ATXN10: variants seen among roughly 807,000 people sequenced by gnomAD.
The protein encoded by ATXN10 is ataxin 10, also known as ataxin-10.
In ATXN10, 28 loss-of-function variants were observed where a neutral mutation model predicts 52.9. The observed-to-expected ratio is 0.53, with a 90% CI of 0.39 to 0.73. The LOEUF (loss-of-function observed/expected upper bound fraction) is 0.73. Among genes scored for constraint, ATXN10 ranks in the 30% least tolerant of loss-of-function variants. The pLI, the probability that ATXN10 is intolerant of heterozygous loss-of-function variation, is 0.00. For missense variants in ATXN10, 565 were observed against 577.0 expected (o/e 0.98, Z 0.21); for synonymous variants, 226 against 221.5 (o/e 1.02, Z -0.18).
chr22:45,824,245 G>A lies in ATXN10; in HGVS notation c.1237+17223G>A, dbSNP rs1380068103. On this transcript the variant is annotated intron_variant, in intron 10 of 11. Transcript: ENST00000252934. This position sits in a 1 kb window ranked among gnomAD's most constrained non-coding sequence, Gnocchi z 5.2. ...TGCACATACTGTTCCTCTCACTGGA[G>A]TTCTCCCCTTTCTACATTTGGCCAA... Among the ~76,000 whole-genome samples the A allele has an allele frequency of 1.3e-5, 2 of 152,022 alleles. No individual in the cohort carries two copies. Among genetic ancestry groups the A allele is most frequent in the East Asian group, 3.9e-4 (2 of 5,182 alleles).
chr22:45,798,877 A>G (rs754914527), intron 9 of ATXN10, among the ~76,000 whole-genome samples: 34 of 152,362 alleles, frequency 2.2e-4, no homozygotes, highest in Non-Finnish European at 4.4e-4. Context: ...GCCACATACA[A>G]TAGCATCATA....
chr22:45,732,303 CAA>C lies in ATXN10; in HGVS notation c.894+2715_894+2716del, dbSNP rs1263543447. ...ACTCCATCTGTACAAAAAAAAAACA[CAA>C]AGAATTAGCTGGGTGTGGTGGTGTG... is the stretch of plus-strand genomic sequence containing the variant. On this transcript the variant is annotated intron_variant, in intron 7 of 11. Coordinates refer to ENST00000252934, the MANE Select transcript of ATXN10 (RefSeq NM_013236.4). The surrounding 1 kb of genome is among the most constrained non-coding windows in gnomAD (Gnocchi z 4.5). Among the ~76,000 whole-genome samples the C allele has an allele frequency of 6.6e-6, 1 of 151,484 alleles. No individual in the cohort carries two copies. Among genetic ancestry groups the C allele is most frequent in the African/African-American group, 2.4e-5 (1 of 41,224 alleles).
chr22:45,711,768 T>A (rs1373245756), intron 5 of ATXN10, among the ~76,000 whole-genome samples: 1 of 152,240 alleles, frequency 6.6e-6, no homozygotes, highest in Non-Finnish European at 1.5e-5. Flanking sequence ...GGATGTGCAC[T>A]GCTTAAAACA....
intron 9 of ATXN10, among the ~76,000 whole-genome samples, chr22:45,776,095 C>T (rs755277229): frequency 3.3e-5 from 5 of 152,096 alleles, no homozygotes; most frequent in Non-Finnish European, 7.4e-5. Context: ...TTCATGTCCT[C>T]GAAATCAAGA....
Position 45,705,839 on chromosome 22 carries a change from G to T in ATXN10, c.647+2992G>T, listed in dbSNP as rs951880699. On this transcript the variant is annotated intron_variant, in intron 5 of 11. Coordinates refer to ENST00000252934, the MANE Select transcript of ATXN10 (RefSeq NM_013236.4). This position sits in a 1 kb window ranked among gnomAD's most constrained non-coding sequence, Gnocchi z 5.2. ...TTTGGTCTAGGCCGGGGGTCCTCCA[G>T]CCCCCGACCTGTGGACTGGTACCTG... 6.6e-6 allele frequency among the ~76,000 whole-genome samples: 1 copy of T among 152,130 alleles called. No homozygotes were observed. The highest frequency in any genetic ancestry group is 2.4e-5 in the African/African-American group (1 of 41,440).
At position 45,833,526 on chromosome 22, in the gene ATXN10, C is replaced by T. The variant is rs889421701; in HGVS notation, c.1238-9465C>T. ...CTGTACTTCATTAATTTTGAAATAT[C>T]AACAGTGCTAGACGAACACTAATGT... On this transcript the variant is annotated intron_variant, in intron 10 of 11. Transcript: ENST00000252934. This position sits in a 1 kb window ranked among gnomAD's most constrained non-coding sequence, Gnocchi z 4.3. Among the ~76,000 whole-genome samples the T allele has an allele frequency of 4.6e-5, 7 of 152,182 alleles. No individual in the cohort carries two copies. Among genetic ancestry groups the T allele is most frequent in the African/African-American group, 7.2e-5 (3 of 41,428 alleles).
In ATXN10 at chr22:45,672,180, G is replaced by A; in HGVS notation, c.116+1G>A. On this transcript the variant is annotated splice_donor_variant, in intron 1 of 11. Coordinates refer to ENST00000252934, the MANE Select transcript of ATXN10 (RefSeq NM_013236.4). LOFTEE classifies it high-confidence loss of function. ...CGCTCTTCAAAGAGCAGCGGAACCGGTAACGGGTCCGGCCGGGGGGCTGCC... is the reference window on the plus strand; with the variant it reads ...CGCTCTTCAAAGAGCAGCGGAACCGATAACGGGTCCGGCCGGGGGGCTGCC... The A allele has an allele frequency of 6.5e-7, 1 of 1,532,320 alleles. No individual in the cohort carries two copies. The highest frequency in any genetic ancestry group is 1.2e-5 in the South Asian group (1 of 83,244). 94.9% of individuals were successfully genotyped at this position (1,532,320 alleles called of 1,614,324 possible). A position where few individuals can be genotyped will look rare whatever the true frequency, so the allele number is the denominator to read the frequency against.
At chr22:45,752,591 G>GGGGCTA (rs1926021649) in intron 9 of ATXN10, among the ~76,000 whole-genome samples, 1 of 151,940 alleles carries the variant, frequency 6.6e-6, no homozygotes. Flanking sequence ...GGCTGGGGCT[G>GGGGCTA]GGGCTGTGCC....
Position 45,688,053 on chromosome 22 carries a change from G to A in ATXN10, c.117-1659G>A, listed in dbSNP as rs118115685. On this transcript the variant is annotated intron_variant, in intron 1 of 11. Coordinates refer to ENST00000252934, the MANE Select transcript of ATXN10 (RefSeq NM_013236.4). This position sits in a 1 kb window ranked among gnomAD's most constrained non-coding sequence, Gnocchi z 4.0. ...AGCCTGGGCGACAGAGCAAAACTCCGTCTCAAAAAAAAGAGTGTTAGTGAG... is the reference window on the plus strand; with the variant it reads ...AGCCTGGGCGACAGAGCAAAACTCCATCTCAAAAAAAAGAGTGTTAGTGAG... 1.0e-3 allele frequency among the ~76,000 whole-genome samples: 158 copies of A among 152,208 alleles called. 3 individuals carry two copies. In the East Asian group the frequency reaches 0.022, roughly 22 times the overall value.
intron 9 of ATXN10, chr22:45,793,791 A>G: frequency 7.6e-7 from 1 of 1,320,430 alleles, no homozygotes; most frequent in Non-Finnish European, 9.7e-7. Context: ...AAGCCCCCAA[A>G]TTGGGACTTA....
Position 45,671,870 on chromosome 22 carries a change from C to T in ATXN10, c.-194C>T. ...CTCCCGCCTGAGGCGAGTCTGGGCT[C>T]AGCCTAGAGCTCTCCGGCGGCGGCG... is the stretch of plus-strand genomic sequence containing the variant. On this transcript the variant is annotated 5_prime_UTR_variant, in exon 1 of 12. Coordinates refer to ENST00000252934, the MANE Select transcript of ATXN10 (RefSeq NM_013236.4). The T allele has an allele frequency of 9.5e-6, 5 of 525,110 alleles. No homozygotes were observed. The highest frequency in any genetic ancestry group is 1.6e-5 in the Non-Finnish European group (5 of 314,760). The allele number at this position is 525,110 out of a possible 1,614,324, so 32.5% of individuals were successfully genotyped here.
At chr22:45,679,478 G>A (rs890185806) in intron 1 of ATXN10, 6 of 152,166 alleles carry the variant, frequency 3.9e-5, no homozygotes, top group African/African-American at 9.7e-5. Context: ...CACTTTAGAG[G>A]TCAACATACC....
rs911835059 is a variant in ATXN10, at chr22:45,841,767, G to T, written c.1238-1224G>T. Among the ~76,000 whole-genome samples, 1 of 152,220 alleles carries T rather than the reference G, an allele frequency of 6.6e-6. No homozygotes were observed. The highest frequency in any genetic ancestry group is 1.5e-5 in the Non-Finnish European group (1 of 68,038). On this transcript the variant is annotated intron_variant, in intron 10 of 11. Transcript: ENST00000252934. The surrounding 1 kb of genome is among the most constrained non-coding windows in gnomAD (Gnocchi z 5.1). The stretch of plus-strand genomic sequence containing the variant: ...CCAAATACTACAGGAAAGAGCACCA[G>T]CTTTGTGAATGTTGAAGTTTTCTCT...
chr22:45,710,916 TCTG>T (rs1924221938), intron 5 of ATXN10, among the ~76,000 whole-genome samples: 4 of 152,168 alleles, frequency 2.6e-5, no homozygotes, highest in African/African-American at 9.7e-5. Flanking sequence ...TTCAGGCTTA[TCTG>T]AAGCAGATAA....
chr22:45,802,305 A>G (rs1213965564), intron 9 of ATXN10, among the ~76,000 whole-genome samples: 2 of 152,358 alleles, frequency 1.3e-5, no homozygotes, highest in East Asian at 3.9e-4. Context: ...CATGTTAGTA[A>G]AGAAACAAAC....
At chr22:45,821,445 G>C (rs1271118124) in intron 10 of ATXN10, among the ~76,000 whole-genome samples, 1 of 151,598 alleles carries the variant, frequency 6.6e-6, no homozygotes, top group East Asian at 1.9e-4. Flanking sequence ...AGAAAATGAT[G>C]ATTGTGAAAG....
At chr22:45,810,018 A>G (rs771398371) in intron 10 of ATXN10, among the ~76,000 whole-genome samples, 4 of 152,104 alleles carry the variant, frequency 2.6e-5, no homozygotes, top group Non-Finnish European at 5.9e-5. Flanking sequence ...TATGATGATA[A>G]TAATATATTA....
chr22:45,698,274 C>G (rs573288781), intron 3 of ATXN10, among the ~76,000 whole-genome samples: 2 of 152,296 alleles, frequency 1.3e-5, no homozygotes, highest in Admixed American at 1.3e-4. Flanking sequence ...TACGAATGTT[C>G]CCATTTCTTG....
Position 45,816,405 on chromosome 22 carries a change from A to G in ATXN10, c.1237+9383A>G, listed in dbSNP as rs913432708. Reference sequence around the variant, plus strand: ...TCCTCCTTTTAGACTTCGGTCATGTATGTCTTCCTCTCAGAGTTCTTTCTA... The same window carrying G: ...TCCTCCTTTTAGACTTCGGTCATGTGTGTCTTCCTCTCAGAGTTCTTTCTA... On this transcript the variant is annotated intron_variant, in intron 10 of 11. Transcript: ENST00000252934. The surrounding 1 kb of genome is among the most constrained non-coding windows in gnomAD (Gnocchi z 5.8). Among the ~76,000 whole-genome samples, 1 of 152,126 alleles carries G rather than the reference A, an allele frequency of 6.6e-6. No individual in the cohort carries two copies.
Sources: allele counts gnomAD v4.1 joint callset (sites outside exome capture counted in the v4.1 genomes callset), GRCh38; gene constraint gnomAD v4.1.1; non-coding constraint Gnocchi (gnomAD v3.1); transcripts MANE v1.5; gene names NCBI Gene and HGNC (gene_info 2026-07-23, HGNC 2026-07-21).